Variants in PCDHGA1 observed in about 807,000 individuals in gnomAD.
The protein encoded by PCDHGA1 is protocadherin gamma-A1.
PCDHGA1 carries 32 observed loss-of-function variants against 58.0 expected under a neutral mutation model. The observed-to-expected ratio is 0.55, with a 90% CI of 0.42 to 0.74. The LOEUF is 0.74. PCDHGA1 is among the 30% of genes least tolerant of loss of function. PCDHGA1 has a pLI of 0.00. For missense variants in PCDHGA1, 1,205 were observed against 1,182.3 expected, an observed-to-expected ratio of 1.02 and a Z score of -0.28; for synonymous variants, 498 against 501.1, an observed-to-expected ratio of 0.99 and a Z score of 0.08.
chr5:141,345,852 C>A, intron 1 of PCDHGA1: 1 of 1,613,470 alleles, frequency 6.2e-7, no homozygotes, highest in Non-Finnish European at 8.5e-7. Flanking sequence ...GCTGTCCTAC[C>A]GCCTGCTCAA....
intron 1 of PCDHGA1, among the ~76,000 whole-genome samples, chr5:141,469,102 A>G (rs1423904196): frequency 6.6e-6 from 1 of 151,626 alleles, no homozygotes; most frequent in East Asian, 1.9e-4. Flanking sequence ...CAAAGCAAGA[A>G]CCTGTCTCTA....
intron 1 of PCDHGA1, chr5:141,352,693 AATTTTATAT>A (rs1481590052): frequency 3.9e-6 from 6 of 1,556,420 alleles, no homozygotes; most frequent in African/African-American, 2.7e-5. Context: ...AATCTAGTTA[AATTTTATAT>A]ATGGCGGCCG....
chr5:141,351,569 C>G (rs191804700), intron 1 of PCDHGA1: 1 of 1,614,062 alleles, frequency 6.2e-7, no homozygotes, highest in Non-Finnish European at 8.5e-7. Flanking sequence ...CATCACCCTG[C>G]ACATCTCCGA....
intron 1 of PCDHGA1, chr5:141,385,051 C>T (rs1222079447): frequency 2.5e-6 from 4 of 1,614,036 alleles, no homozygotes; most frequent in Admixed American, 1.7e-5. Flanking sequence ...CAGGCTGCGG[C>T]GCTGGCACAA....
At chr5:141,480,059 T>G (rs1169389701) in intron 1 of PCDHGA1, among the ~76,000 whole-genome samples, 1 of 152,096 alleles carries the variant, frequency 6.6e-6, no homozygotes, top group African/African-American at 2.4e-5. Context: ...GAATAATAAG[T>G]GTTTTATAAG....
At chr5:141,467,846 A>G (rs984687278) in intron 1 of PCDHGA1, among the ~76,000 whole-genome samples, 2 of 151,926 alleles carry the variant, frequency 1.3e-5, no homozygotes, top group Non-Finnish European at 2.9e-5. Context: ...TTTTTGTAGA[A>G]TGAGATTTCA....
At chr5:141,367,743 A>T (rs1765311157) in intron 1 of PCDHGA1, 1 of 152,154 alleles carries the variant, frequency 6.6e-6, no homozygotes, top group African/African-American at 2.4e-5. Flanking sequence ...GCCTCCAGAG[A>T]GTTACATACT....
At chr5:141,458,201 TAGTTTAAAATA>T (rs1175017515) in intron 1 of PCDHGA1, among the ~76,000 whole-genome samples, 1 of 152,168 alleles carries the variant, frequency 6.6e-6, no homozygotes, top group Non-Finnish European at 1.5e-5. Context: ...AGGCCATAAA[TAGTTTAAAATA>T]AGTTTCCTTT....
intron 1 of PCDHGA1, among the ~76,000 whole-genome samples, chr5:141,401,855 C>T (rs1188056656): frequency 1.3e-5 from 2 of 152,164 alleles, no homozygotes; most frequent in African/African-American, 2.4e-5. Flanking sequence ...TACTTTTAAC[C>T]TTTCAGTAGT....
intron 1 of PCDHGA1, among the ~76,000 whole-genome samples, chr5:141,348,047 TC>T (rs1250489792): frequency 6.6e-6 from 1 of 152,198 alleles, no homozygotes; most frequent in African/African-American, 2.4e-5. Context: ...GGAATAGAAG[TC>T]CCTTCTTTTG....
chr5:141,346,227 T>C, intron 1 of PCDHGA1: 1 of 1,614,224 alleles, frequency 6.2e-7, no homozygotes, highest in Non-Finnish European at 8.5e-7. Flanking sequence ...GGGAGGCGGC[T>C]TGGCGAGTAC....
At chr5:141,355,425 C>CGAAAA in intron 1 of PCDHGA1, 1 of 1,614,092 alleles carries the variant, frequency 6.2e-7, no homozygotes, top group Non-Finnish European at 8.5e-7. Context: ...CGCAGCTTTT[C>CGAAAA]GCCCTGAACC....
intron 1 of PCDHGA1, chr5:141,410,849 CTTTTTTTT>C (rs759346998): frequency 2.0e-4 from 27 of 138,178 alleles, no homozygotes; most frequent in Middle Eastern, 4.3e-3. Context: ...TTGTCTTTGT[CTTTTTTTT>C]TTTTTTTTTT....
At chr5:141,484,863 G>T (rs561595169) in intron 1 of PCDHGA1, 136 of 273,782 alleles carry the variant, frequency 5.0e-4, no homozygotes, top group African/African-American at 2.8e-3. Context: ...GGGGGTGGGG[G>T]AGCGTGGAGG....
intron 1 of PCDHGA1, chr5:141,355,366 C>T: frequency 1.2e-6 from 2 of 1,614,036 alleles, no homozygotes; most frequent in Non-Finnish European, 8.5e-7. Context: ...GGGGTTGGCG[C>T]CCCGGGAGCT....
rs375537017 is a variant in PCDHGA1 at position 141,419,439 on chromosome 5, C to T, written c.2422-75368C>T. 22 of 1,613,154 alleles carry T rather than the reference C, an allele frequency of 1.4e-5. No individual in the cohort carries two copies. Among genetic ancestry groups the T allele is most frequent in the Non-Finnish European group, 1.7e-5 (20 of 1,179,788 alleles). On this transcript the variant is annotated intron_variant, in intron 1 of 3. Transcript: ENST00000517417. ...GCCTTCGACCACGAGCAGCTGCGCACCTTCGAGCTCACGCTGCAGGCCCGC... is the reference window on the plus strand; with the variant it reads ...GCCTTCGACCACGAGCAGCTGCGCATCTTCGAGCTCACGCTGCAGGCCCGC...
intron 1 of PCDHGA1, chr5:141,400,163 ACC>A (rs2093974471): frequency 6.2e-7 from 1 of 1,613,712 alleles, no homozygotes. Context: ...GTACCCTCTG[ACC>A]CCCAGGCTGA....
chr5:141,479,057 T>A (rs2099487107), intron 1 of PCDHGA1, among the ~76,000 whole-genome samples: 1 of 152,234 alleles, frequency 6.6e-6, no homozygotes, highest in East Asian at 1.9e-4. Context: ...TCTCAGATAA[T>A]TTTTTATGAA....
At chr5:141,371,313 C>A in intron 1 of PCDHGA1, 2 of 1,613,964 alleles carry the variant, frequency 1.2e-6, no homozygotes, top group South Asian at 1.1e-5. Flanking sequence ...TATTGGAGAA[C>A]TGGACTTTGA....
Sources: allele counts gnomAD v4.1 joint callset (sites outside exome capture counted in the v4.1 genomes callset), GRCh38; gene constraint gnomAD v4.1.1; transcripts MANE v1.5; gene names NCBI Gene and HGNC (gene_info 2026-07-23, HGNC 2026-07-21).